Variants in ECE1 observed in about 807,000 individuals in gnomAD.
ECE1 encodes endothelin converting enzyme 1, also known as endothelin-converting enzyme 1.
A neutral mutation model predicts 98.6 loss-of-function variants in ECE1; 35 were observed. The ratio of observed to expected loss-of-function variants is 0.35; its 90% CI spans 0.27 to 0.47. The LOEUF (loss-of-function observed/expected upper bound fraction) is 0.47, where lower values mean the gene tolerates loss of function less well. ECE1 is among the 20% of genes least tolerant of loss of function. ECE1 has a pLI of 1.00. For synonymous variants in ECE1, 394 were observed against 407.1 expected (o/e 0.97, Z 0.39); for missense variants, 814 against 1,025.3 (o/e 0.79, Z 2.81).
intron 1 of ECE1, among the ~76,000 whole-genome samples, chr1:21,330,319 T>C (rs1639174110): frequency 7.4e-6 from 1 of 134,240 alleles, no homozygotes; most frequent in Non-Finnish European, 1.5e-5. Context: ...CACTGCAACC[T>C]CTGCCTCCCG....
At chr1:21,238,586 A>C (rs2098191439) in intron 10 of ECE1, among the ~76,000 whole-genome samples, 1 of 152,100 alleles carries the variant, frequency 6.6e-6, no homozygotes, top group Non-Finnish European at 1.5e-5. Flanking sequence ...ACGAGTGACA[A>C]GTGTTGTTGG....
chr1:21,220,292 C>T lies in ECE1; in HGVS notation c.2137-161G>A, dbSNP rs2103197826. 6.6e-6 allele frequency among the ~76,000 whole-genome samples: 1 copy of T among 151,822 alleles called. No homozygotes were observed. Among genetic ancestry groups the T allele is most frequent in the Non-Finnish European group, 1.5e-5 (1 of 67,930 alleles). ...GAAGGGCTGCTTGAGCCCAGGAGTT[C>T]ATGACCAGCTTGGGCAACATGGCAA... On this transcript the variant is annotated intron_variant, in intron 18 of 18. Coordinates refer to ENST00000374893, the MANE Select transcript of ECE1 (RefSeq NM_001397.3). This position sits in a 1 kb window ranked among gnomAD's most constrained non-coding sequence, Gnocchi z 5.0.
At chr1:21,268,019 G>A (rs572249354) in intron 4 of ECE1, among the ~76,000 whole-genome samples, 16 of 152,284 alleles carry the variant, frequency 1.1e-4, no homozygotes, top group South Asian at 8.3e-4. Flanking sequence ...CAATGAGCAC[G>A]CATTGATTTT....
Position 21,221,677 on chromosome 1 carries a change from CT to C in ECE1, c.2136+69del, listed in dbSNP as rs1415555343. ...AATCTGTGGGGAACTTGCCTTTCGGCTCTCTGGGCTCTTGAAACATCAAGAT... is the reference window on the plus strand; with the variant it reads ...AATCTGTGGGGAACTTGCCTTTCGGCCTCTGGGCTCTTGAAACATCAAGAT... On this transcript the variant is annotated intron_variant, in intron 18 of 18. Transcript: ENST00000374893. The C allele has an allele frequency of 2.0e-6, 3 of 1,529,302 alleles. No individual in the cohort carries two copies. The African/African-American group carries it at 4.1e-5, about 21-fold the overall frequency. 94.7% of individuals were successfully genotyped at this position (1,529,302 alleles called of 1,614,324 possible).
chr1:21,298,868 C>T, intron 1 of ECE1: 1 of 456,290 alleles, frequency 2.2e-6, no homozygotes, highest in Non-Finnish European at 4.4e-6. Context: ...GTTTAAGGGG[C>T]TGAGTTGTCC....
intron 11 of ECE1, 111 bp from the exon 12 acceptor site, chr1:21,236,955 C>T (rs556323393): frequency 4.5e-5 from 48 of 1,076,416 alleles, no homozygotes; most frequent in Admixed American, 6.9e-5. Flanking sequence ...ATTTTCCAAG[C>T]GTCAGGCTGG....
chr1:21,266,070 T>C (rs1413930364), intron 4 of ECE1: 1 of 152,112 alleles, frequency 6.6e-6, no homozygotes, highest in Non-Finnish European at 1.5e-5. Flanking sequence ...GGAGTTTTCA[T>C]TGGAATGCCC....
rs1210601644 is a variant in ECE1 at position 21,340,108 on chromosome 1, C to T, written c.3+5268G>A. ...TCTGGGAAGGCTTCCCTGATACACACCTATGGGCAGGATGACTCTGGAGCT... is the reference window on the plus strand; with the variant it reads ...TCTGGGAAGGCTTCCCTGATACACATCTATGGGCAGGATGACTCTGGAGCT... On this transcript the variant is annotated intron_variant, in intron 1 of 18. Transcript: ENST00000415912. The surrounding 1 kb of genome is among the most constrained non-coding windows in gnomAD (Gnocchi z 4.6). 6.6e-6 allele frequency among the ~76,000 whole-genome samples: 1 copy of T among 152,236 alleles called. No homozygotes were observed. Among genetic ancestry groups the T allele is most frequent in the Non-Finnish European group, 1.5e-5 (1 of 68,040 alleles).
chr1:21,302,502 A>T (rs1232247348), intron 1 of ECE1, among the ~76,000 whole-genome samples: 1 of 152,234 alleles, frequency 6.6e-6, no homozygotes, highest in African/African-American at 2.4e-5. Flanking sequence ...CTTATTTGGC[A>T]CTTACTGCAT....
chr1:21,245,664 C>T (rs2098202393), intron 9 of ECE1, among the ~76,000 whole-genome samples: 1 of 152,168 alleles, frequency 6.6e-6, no homozygotes, highest in African/African-American at 2.4e-5. Context: ...GAACATCTAA[C>T]CTCTAATCAG....
Position 21,221,621 on chromosome 1 carries a change from T to C in ECE1, c.2136+126A>G, listed in dbSNP as rs28368046. On this transcript the variant is annotated intron_variant, in intron 18 of 18. Coordinates refer to ENST00000374893, the MANE Select transcript of ECE1 (RefSeq NM_001397.3). ...CTCTCTAATGACAGGGCACATGTGC[T>C]GTGCACAGTCCAGTGACTTGGGAAG... The C allele has an allele frequency of 3.7e-5, 36 of 966,196 alleles. No homozygotes were observed. The East Asian group carries it at 8.3e-4, about 22-fold the overall frequency. 59.9% of individuals were successfully genotyped at this position (966,196 alleles called of 1,614,324 possible). A position where few individuals can be genotyped will look rare whatever the true frequency, so the allele number is the denominator to read the frequency against.
intron 4 of ECE1, among the ~76,000 whole-genome samples, chr1:21,262,072 T>C (rs3026874): frequency 0.01 from 1,560 of 152,096 alleles, 29 homozygotes; most frequent in African/African-American, 0.036. Context: ...GCACCATGGC[T>C]TTCACTGATC....
upstream of ECE1, among the ~76,000 whole-genome samples, chr1:21,290,984 G>A (rs2098266137): frequency 6.6e-6 from 1 of 152,170 alleles, no homozygotes; most frequent in African/African-American, 2.4e-5. This position sits in a 1 kb window ranked among gnomAD's most constrained non-coding sequence, Gnocchi z 7.3. Flanking sequence ...CATTTGGATG[G>A]CTGCAGGGTG....
chr1:21,228,113 C>T, intron 14 of ECE1, 72 bp from the exon 15 acceptor site: 1 of 1,250,808 alleles, frequency 8.0e-7, no homozygotes, highest in South Asian at 1.3e-5. Flanking sequence ...GCCTGGAGCG[C>T]TGCTTGGGGA....
intron 1 of ECE1, among the ~76,000 whole-genome samples, chr1:21,329,570 C>T (rs1258106362): frequency 1.3e-5 from 2 of 152,208 alleles, no homozygotes; most frequent in Non-Finnish European, 2.9e-5. Context: ...TAAATTACCT[C>T]TACCTGCCAG....
At chr1:21,256,344 T>A (rs2098219929) in intron 7 of ECE1, among the ~76,000 whole-genome samples, 1 of 151,922 alleles carries the variant, frequency 6.6e-6, no homozygotes, top group African/African-American at 2.4e-5. Flanking sequence ...TCACCTAAGG[T>A]CAGGAGTTTG....
rs750723396 is a variant in ECE1 at position 21,258,651 on chromosome 1, C to T, written c.762+42G>A. 12 of 1,490,874 alleles carry T rather than the reference C, an allele frequency of 8.0e-6. No individual in the cohort carries two copies. In the African/African-American group the frequency reaches 1.3e-4, roughly 16 times the overall value. The allele number at this position is 1,490,874 out of a possible 1,614,324, so 92.4% of individuals were successfully genotyped here. A position where few individuals can be genotyped will look rare whatever the true frequency, so the allele number is the denominator to read the frequency against. ...TGCTAAACTCAAAACAGGAAGAGGT[C>T]GTGCCCGCCCCCTCGACCGCTGCAG... is the stretch of plus-strand genomic sequence containing the variant. On this transcript the variant is annotated intron_variant, in intron 6 of 18. Coordinates refer to ENST00000374893, the MANE Select transcript of ECE1 (RefSeq NM_001397.3). The surrounding 1 kb of genome is among the most constrained non-coding windows in gnomAD (Gnocchi z 4.2).
intron 1 of ECE1, among the ~76,000 whole-genome samples, chr1:21,339,331 G>A (rs930576448): frequency 6.6e-5 from 10 of 152,166 alleles, no homozygotes; most frequent in African/African-American, 2.2e-4. Flanking sequence ...CAACGCCTCT[G>A]GCTACCGGCT....
Position 21,235,767 on chromosome 1 carries a change from A to G in ECE1, c.1566+83T>C. The G allele has an allele frequency of 7.2e-7, 1 of 1,394,428 alleles. No homozygotes were observed. Among genetic ancestry groups the G allele is most frequent in the Non-Finnish European group, 1.0e-6 (1 of 980,100 alleles). The allele number at this position is 1,394,428 out of a possible 1,614,324, so 86.4% of individuals were successfully genotyped here. A position where few individuals can be genotyped will look rare whatever the true frequency, so the allele number is the denominator to read the frequency against. On this transcript the variant is annotated intron_variant, in intron 13 of 18. Coordinates refer to ENST00000374893, the MANE Select transcript of ECE1 (RefSeq NM_001397.3). The surrounding 1 kb of genome is among the most constrained non-coding windows in gnomAD (Gnocchi z 4.2). ...TTTTGACAACCATGCTGCCTCTAGC[A>G]CCCCATCTGGACCCAGCCCTGCCTC...
Sources: allele counts gnomAD v4.1 joint callset (sites outside exome capture counted in the v4.1 genomes callset), GRCh38; gene constraint gnomAD v4.1.1; non-coding constraint Gnocchi (gnomAD v3.1); transcripts MANE v1.5; gene names NCBI Gene and HGNC (gene_info 2026-07-23, HGNC 2026-07-21).